Variants in RELN observed in about 807,000 individuals in gnomAD.
The protein encoded by RELN is reelin.
In RELN, 108 loss-of-function variants were observed where a neutral mutation model predicts 427.6. That is an observed-to-expected ratio of 0.25 (90% CI 0.22 to 0.30). The LOEUF is 0.30. RELN is among the 10% of genes least tolerant of loss of function. The pLI is 1.00. For synonymous variants in RELN, 1,524 were observed against 1,513.4 expected, an observed-to-expected ratio of 1.01 and a Z score of -0.16; for missense variants, 3,715 against 4,302.8, an observed-to-expected ratio of 0.86 and a Z score of 3.82.
At chr7:103,672,480 T>A (rs1833415108) in intron 11 of RELN, among the ~76,000 whole-genome samples, 1 of 152,160 alleles carries the variant, frequency 6.6e-6, no homozygotes, top group Non-Finnish European at 1.5e-5. Context: ...ATTTTTAAAT[T>A]ATAAAAACAA....
intron 2 of RELN, among the ~76,000 whole-genome samples, chr7:103,883,063 C>A (rs1794643926): frequency 6.6e-6 from 1 of 152,176 alleles, no homozygotes; most frequent in Non-Finnish European, 1.5e-5. Context: ...CCAAATCCAG[C>A]AGCACATCAA....
rs1390453425 is a variant in RELN at position 103,604,469 on chromosome 7, C to T, written c.3023G>A (p.Arg1008His). Residue 1008 changes from arginine to histidine, a missense_variant, in exon 23 of 65, where the codon CGT becomes CAT. By Grantham distance (29) the Arg-to-His change is conservative (BLOSUM62 0). Around this residue, in one of 4 missense-constraint regions of RELN, gnomAD observed 2,208 missense variants for 2,361.7 expected, o/e 0.93. Coordinates refer to ENST00000428762, the MANE Select transcript of RELN (RefSeq NM_005045.4). ...LPQKTWSSAT[R>H]FRWSQSYYTA... ...GTAATAGCTCTGGCTCCAGCGGAAA[C>T]GGGTAGCACTGGACCTAGAAACACG... The T allele has an allele frequency of 4.3e-6, 7 of 1,613,762 alleles. No homozygotes were observed. The highest frequency in any genetic ancestry group is 1.3e-5 in the African/African-American group (1 of 74,914).
intron 43 of RELN, among the ~76,000 whole-genome samples, chr7:103,542,210 A>G (rs1013891710): frequency 1.3e-5 from 2 of 152,196 alleles, no homozygotes; most frequent in Non-Finnish European, 2.9e-5. Context: ...TGTGTGAGTG[A>G]ATCATTGGAA....
intron 12 of RELN, among the ~76,000 whole-genome samples, chr7:103,660,451 A>G (rs1833115308): frequency 6.6e-6 from 1 of 152,230 alleles, no homozygotes; most frequent in Non-Finnish European, 1.5e-5. Flanking sequence ...AAAATGAGTT[A>G]GCATCACATA....
intron 2 of RELN, among the ~76,000 whole-genome samples, chr7:103,851,237 G>GA (rs1207410191): frequency 1.3e-5 from 2 of 152,196 alleles, no homozygotes; most frequent in African/African-American, 2.4e-5. Flanking sequence ...CTCAGGAATG[G>GA]AAAAACCAAA....
rs777953355 is a variant in RELN at position 103,596,557 on chromosome 7, A to G, written c.3438T>C (p.Pro1146=). 1 of 1,614,042 alleles carries G rather than the reference A, an allele frequency of 6.2e-7. No homozygotes were observed. The highest frequency in any genetic ancestry group is 8.5e-7 in the Non-Finnish European group (1 of 1,179,928). The change falls in exon 25 of 65, where the codon CCT becomes CCC. Residue 1146 remains proline (P), a synonymous_variant. Transcript: ENST00000428762. ...GGAGGACGCCCTCCTCTCTGCTGTC[A>G]GGCTTGTTGCATGAAGCACTCTCTC... ...IGGESASCNK[P]DSREEGVLLQ... is the part of the protein sequence containing the mutation.
intron 28 of RELN, among the ~76,000 whole-genome samples, chr7:103,581,809 T>C (rs1249510046): frequency 1.3e-5 from 2 of 151,616 alleles, no homozygotes; most frequent in Non-Finnish European, 2.9e-5. Context: ...AACTGAAAAA[T>C]ACTGAGATGA....
At chr7:103,546,286 A>G (rs1186793153) in intron 41 of RELN, among the ~76,000 whole-genome samples, 2 of 152,232 alleles carry the variant, frequency 1.3e-5, no homozygotes, top group African/African-American at 4.8e-5. Flanking sequence ...TTAGCATAAC[A>G]GCATAATGTT....
intron 52 of RELN, among the ~76,000 whole-genome samples, chr7:103,502,034 T>G (rs1829047745): frequency 6.6e-6 from 1 of 152,238 alleles, no homozygotes; most frequent in South Asian, 2.1e-4. Context: ...CAGCAGATAT[T>G]CTCTTAAGAG....
At chr7:103,814,616 G>A (rs2116350370) in intron 3 of RELN, among the ~76,000 whole-genome samples, 1 of 152,238 alleles carries the variant, frequency 6.6e-6, no homozygotes, top group Admixed American at 6.5e-5. Flanking sequence ...ATTAGTATAT[G>A]ATGGAACAGA....
At chr7:103,830,168 C>G (rs1793241777) in intron 3 of RELN, among the ~76,000 whole-genome samples, 1 of 139,466 alleles carries the variant, frequency 7.2e-6, no homozygotes, top group African/African-American at 2.5e-5. Context: ...CTGTAACTTA[C>G]AATCAATAAA....
chr7:103,956,616 G>A (rs1007673543), intron 1 of RELN, among the ~76,000 whole-genome samples: 10 of 152,110 alleles, frequency 6.6e-5, no homozygotes, highest in African/African-American at 2.4e-4. Context: ...TAGTTTAAAA[G>A]GAGAAGATGT....
intron 4 of RELN, among the ~76,000 whole-genome samples, chr7:103,771,162 C>T (rs1308673734): frequency 6.6e-6 from 1 of 151,768 alleles, no homozygotes; most frequent in Non-Finnish European, 1.5e-5. Flanking sequence ...GGTGATCTGC[C>T]CGCCTCGGCC....
intron 2 of RELN, among the ~76,000 whole-genome samples, chr7:103,854,980 A>T (rs34336617): frequency 0.15 from 22,149 of 152,266 alleles, 1,893 homozygotes; most frequent in East Asian, 0.34. Flanking sequence ...GGCAAATGCA[A>T]CTGCTTAAGA....
intron 61 of RELN, among the ~76,000 whole-genome samples, chr7:103,485,475 A>C (rs972890490): frequency 6.6e-6 from 1 of 152,238 alleles, no homozygotes; most frequent in Non-Finnish European, 1.5e-5. Flanking sequence ...ACTTTTCAGC[A>C]TTCAAGAAAT....
rs116746405 is a variant in RELN, at chr7:103,835,464, C to T, written c.338-1792G>A. 3.4e-3 allele frequency among the ~76,000 whole-genome samples: 520 copies of T among 152,128 alleles called. 2 individuals carry two copies. The highest frequency in any genetic ancestry group is 0.012 in the African/African-American group (478 of 41,492). ...TGGACTTTGAGCAGTAATGATGTGT[C>T]GATGTAGGTTCATTGATTGTACCAA... On this transcript the variant is annotated intron_variant, in intron 2 of 64. Transcript: ENST00000428762.
rs775229404 is a variant in RELN at position 103,551,047 on chromosome 7, G to A, written c.6302+20C>T. 6.7e-5 allele frequency: 106 copies of A among 1,589,360 alleles called. No individual in the cohort carries two copies. The highest frequency in any genetic ancestry group is 1.3e-4 in the African/African-American group (10 of 74,470). On this transcript the variant is annotated intron_variant, in intron 41 of 64. Transcript: ENST00000428762. ...CTGTCAAAGGAGAAACAAATGTGGCGTCAAGCAGCGGGTCCTTACCCACAA... is the reference window on the plus strand; with the variant it reads ...CTGTCAAAGGAGAAACAAATGTGGCATCAAGCAGCGGGTCCTTACCCACAA...
intron 9 of RELN, 116 bp from the exon 10 acceptor site, chr7:103,698,209 G>C: frequency 7.9e-7 from 1 of 1,260,316 alleles, no homozygotes. Flanking sequence ...ATTTATTACA[G>C]ATAAAATAGC....
chr7:103,651,374 G>A (rs1562940370), intron 15 of RELN, among the ~76,000 whole-genome samples: 1 of 151,988 alleles, frequency 6.6e-6, no homozygotes, highest in Non-Finnish European at 1.5e-5. Context: ...TTCTCTATAA[G>A]TAGCGTGGCA....
Sources: allele counts gnomAD v4.1 joint callset (sites outside exome capture counted in the v4.1 genomes callset), GRCh38; gene constraint gnomAD v4.1.1; regional missense constraint gnomAD v4.1.1; transcripts MANE v1.5; gene names NCBI Gene and HGNC (gene_info 2026-07-23, HGNC 2026-07-21).